The following DCAF17 variants were observed in gnomAD, a reference collection of about 807,000 sequenced individuals.
The protein encoded by DCAF17 is DDB1 and CUL4 associated factor 17.
A neutral mutation model predicts 66.0 loss-of-function variants in DCAF17; 48 were observed. The observed-to-expected ratio is 0.73, with a 90% CI of 0.58 to 0.92. The LOEUF is 0.92. DCAF17 is among the 40% of genes least tolerant of loss of function. The pLI is 0.00. For synonymous variants in DCAF17, 206 were observed against 214.6 expected, an observed-to-expected ratio of 0.96 and a Z score of 0.35; for missense variants, 562 against 622.8, an observed-to-expected ratio of 0.90 and a Z score of 1.04.
At chr2:171,478,313 A>G (rs1696593765) in intron 12 of DCAF17, among the ~76,000 whole-genome samples, 1 of 152,182 alleles carries the variant, frequency 6.6e-6, no homozygotes, top group Non-Finnish European at 1.5e-5. Flanking sequence ...ATTTGAAAAC[A>G]CGATTAGCTT....
At chr2:171,478,175 G>A (rs989782964) in intron 12 of DCAF17, 105 bp downstream of exon 12, 1 of 1,032,290 alleles carries the variant, frequency 9.7e-7, no homozygotes, top group Non-Finnish European at 1.5e-6. Flanking sequence ...GGGTTGAGGG[G>A]TTGCAGGCAG....
intron 2 of DCAF17, among the ~76,000 whole-genome samples, chr2:171,437,533 T>C (rs76533507): frequency 0.031 from 4,763 of 152,316 alleles, 83 homozygotes; most frequent in East Asian, 0.051. Context: ...GAATTAACCA[T>C]TGAAAGCATC....
At chr2:171,444,734 G>C (rs992439673) in intron 3 of DCAF17, among the ~76,000 whole-genome samples, 7 of 152,160 alleles carry the variant, frequency 4.6e-5, no homozygotes, top group African/African-American at 7.2e-5. Context: ...CTGATTGGCT[G>C]TCCTTTAGGA....
At chr2:171,450,458 A>G (rs771231052) in intron 5 of DCAF17, among the ~76,000 whole-genome samples, 6 of 152,124 alleles carry the variant, frequency 3.9e-5, no homozygotes, top group Non-Finnish European at 8.8e-5. Context: ...GTGCTATTTA[A>G]AGAGATTTTT....
chr2:171,481,804 A>C lies in DCAF17; in HGVS notation c.*690A>C, dbSNP rs1178652657. On this transcript the variant is annotated 3_prime_UTR_variant, in exon 14 of 14. Transcript: ENST00000375255. Reference sequence around the variant, plus strand: ...ATGTAAAAGATTCCAAGCAAACCTTAAGTGAAATTGTTTTCTGATTTGCAT... The same window carrying C: ...ATGTAAAAGATTCCAAGCAAACCTTCAGTGAAATTGTTTTCTGATTTGCAT... 2.2e-6 allele frequency: 1 copy of C among 453,256 alleles called. No homozygotes were observed. Among genetic ancestry groups the C allele is most frequent in the Non-Finnish European group, 4.4e-6 (1 of 226,532 alleles). The allele number at this position is 453,256 out of a possible 1,614,324, so 28.1% of individuals were successfully genotyped here.
chr2:171,461,390 GCA>G (rs1337893512), intron 8 of DCAF17, among the ~76,000 whole-genome samples: 1 of 152,046 alleles, frequency 6.6e-6, no homozygotes, highest in African/African-American at 2.4e-5. Flanking sequence ...TCGTGCCACT[GCA>G]CTCCAGCCTG....
intron 5 of DCAF17, among the ~76,000 whole-genome samples, chr2:171,451,231 G>A (rs1694935013): frequency 6.6e-6 from 1 of 151,736 alleles, no homozygotes; most frequent in South Asian, 2.1e-4. Context: ...ACTATTTGTT[G>A]GCTACTTCTA....
At chr2:171,452,471 A>ATTTG (rs1695009836) in intron 5 of DCAF17, among the ~76,000 whole-genome samples, 1 of 152,070 alleles carries the variant, frequency 6.6e-6, no homozygotes, top group Non-Finnish European at 1.5e-5. Context: ...ATATTTATTT[A>ATTTG]TTTAGAGACA....
rs1257549661 is a variant in DCAF17, at chr2:171,483,463, A to G, written c.*2349A>G. 4.4e-6 allele frequency: 2 copies of G among 454,004 alleles called. No individual in the cohort carries two copies. Among genetic ancestry groups the G allele is most frequent in the East Asian group, 1.4e-4 (2 of 14,406 alleles). 28.1% of individuals were successfully genotyped at this position (454,004 alleles called of 1,614,324 possible). A position where few individuals can be genotyped will look rare whatever the true frequency, so the allele number is the denominator to read the frequency against. ...TGGATCTAAGTTTCTGCATTCTCAG[A>G]GCATCAATGCAGCAAGCTTATTGTT... On this transcript the variant is annotated 3_prime_UTR_variant, in exon 14 of 14. Transcript: ENST00000375255.
At chr2:171,462,406 C>G (rs987517563) in intron 8 of DCAF17, among the ~76,000 whole-genome samples, 3 of 152,038 alleles carry the variant, frequency 2.0e-5, no homozygotes, top group Non-Finnish European at 4.4e-5. Flanking sequence ...ACAAAATGAT[C>G]AAAGGATATT....
intron 2 of DCAF17, among the ~76,000 whole-genome samples, chr2:171,442,578 A>AG (rs976651516): frequency 2.7e-5 from 4 of 150,322 alleles, no homozygotes; most frequent in Non-Finnish European, 5.9e-5. Context: ...AAAAAAAAAA[A>AG]AAAAAGAAAG....
intron 5 of DCAF17, among the ~76,000 whole-genome samples, chr2:171,451,239 CTACT>C (rs942975357): frequency 6.6e-6 from 1 of 152,004 alleles, no homozygotes; most frequent in Non-Finnish European, 1.5e-5. Context: ...TTGGCTACTT[CTACT>C]TACTTTTTAT....
At position 171,460,543 on chromosome 2, in the gene DCAF17, A is replaced by ATTATTATTATTATTATTATTATTATTT. The variant is rs1179035573; in HGVS notation, c.838+2066_838+2067insTTATTATTATTATTATTATTATTATTT. Among the ~76,000 whole-genome samples, 7 of 136,592 alleles carry ATTATTATTATTATTATTATTATTATTT rather than the reference A, an allele frequency of 5.1e-5. 2 individuals are homozygous for ATTATTATTATTATTATTATTATTATTT. Among genetic ancestry groups the ATTATTATTATTATTATTATTATTATTT allele is most frequent in the South Asian group, 2.5e-4 (1 of 4,056 alleles). The allele number at this position is 136,592 out of a possible 152,430, so 89.6% of individuals were successfully genotyped here. A position where few individuals can be genotyped will look rare whatever the true frequency, so the allele number is the denominator to read the frequency against. ...TATTATTATTATTATTATTATTATT[A>ATTATTATTATTATTATTATTATTATTT]ATTTTGAGACAGGGTCTCACTCTGT... On this transcript the variant is annotated intron_variant, in intron 8 of 13. Transcript: ENST00000375255.
intron 13 of DCAF17, among the ~76,000 whole-genome samples, chr2:171,480,525 A>G (rs1696693985): frequency 6.6e-6 from 1 of 152,158 alleles, no homozygotes; most frequent in African/African-American, 2.4e-5. Flanking sequence ...CCCCACAATT[A>G]TTTACTAGAG....
At position 171,484,764 on chromosome 2, in the gene DCAF17, G is replaced by A. The variant is rs774169442; in HGVS notation, c.*3650G>A. 6.2e-5 allele frequency: 28 copies of A among 453,474 alleles called. No homozygotes were observed. The East Asian group carries it at 8.3e-4, about 14-fold the overall frequency. The allele number at this position is 453,474 out of a possible 1,614,324, so 28.1% of individuals were successfully genotyped here. On this transcript the variant is annotated 3_prime_UTR_variant, in exon 14 of 14. Coordinates refer to ENST00000375255, the MANE Select transcript of DCAF17 (RefSeq NM_025000.4). ...CAGTCTATCCCCTCCCCACCCCTCA[G>A]GTATAACTACTGTTCTCATTCTTTT... is the stretch of plus-strand genomic sequence containing the variant.
chr2:171,448,855 A>T (rs1694791141), intron 4 of DCAF17, 38 bp downstream of exon 4: 5 of 1,582,668 alleles, frequency 3.2e-6, no homozygotes, highest in Non-Finnish European at 2.6e-6. Flanking sequence ...ATTTTATTTT[A>T]AAAATTTGAA....
At chr2:171,436,612 A>G (rs976525118) in intron 2 of DCAF17, among the ~76,000 whole-genome samples, 1 of 150,242 alleles carries the variant, frequency 6.7e-6, no homozygotes, top group African/African-American at 2.4e-5. Context: ...ATGTTTGGTT[A>G]GATATTTTGC....
At position 171,481,548 on chromosome 2, in the gene DCAF17, A is replaced by G. The variant is rs947214436; in HGVS notation, c.*434A>G. 9 of 454,372 alleles carry G rather than the reference A, an allele frequency of 2.0e-5. No individual in the cohort carries two copies. The highest frequency in any genetic ancestry group is 4.0e-5 in the Non-Finnish European group (9 of 226,970). The allele number at this position is 454,372 out of a possible 1,614,324, so 28.1% of individuals were successfully genotyped here. ...TGCAGAAAGAAATCTTATATCCTCT[A>G]TACCAAACTTTGCTTAAGGATGAGA... On this transcript the variant is annotated 3_prime_UTR_variant, in exon 14 of 14. Transcript: ENST00000375255.
chr2:171,446,630 G>A (rs1229270421), intron 3 of DCAF17, among the ~76,000 whole-genome samples: 1 of 152,022 alleles, frequency 6.6e-6, no homozygotes, highest in African/African-American at 2.4e-5. Context: ...CTCTAAATAA[G>A]AGATTTATTT....
Sources: allele counts gnomAD v4.1 joint callset (sites outside exome capture counted in the v4.1 genomes callset), GRCh38; gene constraint gnomAD v4.1.1; transcripts MANE v1.5; gene names NCBI Gene and HGNC (gene_info 2026-07-23, HGNC 2026-07-21).